ARHGAP6: variants seen among roughly 807,000 people sequenced by gnomAD.
ARHGAP6 encodes Rho GTPase activating protein 6.
In ARHGAP6, 16 loss-of-function variants were observed where a neutral mutation model predicts 55.7. The observed-to-expected ratio is 0.29, with a 90% CI of 0.19 to 0.44. The LOEUF is 0.44. ARHGAP6 is among the 20% of genes least tolerant of loss of function. ARHGAP6 has a pLI of 1.00. For synonymous variants in ARHGAP6, 382 were observed against 360.9 expected (o/e 1.06, Z -0.66); for missense variants, 698 against 808.9 (o/e 0.86, Z 1.66).
intron 1 of ARHGAP6, among the ~76,000 whole-genome samples, chrX:11,636,033 CCTT>C (rs1425823245): frequency 1.2e-4 from 13 of 111,837 alleles, no homozygotes; most frequent in African/African-American, 4.2e-4. Flanking sequence ...CTCTAAAGAG[CCTT>C]CTTAGAGAAA....
chrX:11,505,599 T>C (rs1223862662), intron 1 of ARHGAP6, among the ~76,000 whole-genome samples: 1 of 111,008 alleles, frequency 9.0e-6, no homozygotes, highest in African/African-American at 3.3e-5. Context: ...CCCATGCACG[T>C]GAATGTTCAC....
chrX:11,638,566 G>A (rs1350348295), intron 1 of ARHGAP6, among the ~76,000 whole-genome samples: 1 of 111,097 alleles, frequency 9.0e-6, no homozygotes, highest in Non-Finnish European at 1.9e-5. Context: ...ATTCTTCCCA[G>A]TATGTGTCCT....
At chrX:11,588,222 C>T (rs1396721611) in intron 1 of ARHGAP6, among the ~76,000 whole-genome samples, 2 of 111,658 alleles carry the variant, frequency 1.8e-5, no homozygotes, top group African/African-American at 3.3e-5. Flanking sequence ...AAAAGTAATA[C>T]AGGTTTATCT....
At chrX:11,326,490 AC>A (rs1431864296) in intron 1 of ARHGAP6, among the ~76,000 whole-genome samples, 8 of 109,973 alleles carry the variant, frequency 7.3e-5, no homozygotes, top group Non-Finnish European at 1.1e-4. Flanking sequence ...TATTGTTGGC[AC>A]CTCACAAAGC....
At chrX:11,537,512 A>G (rs1348609293) in intron 1 of ARHGAP6, among the ~76,000 whole-genome samples, 2 of 112,326 alleles carry the variant, frequency 1.8e-5, no homozygotes, top group African/African-American at 6.5e-5. Context: ...ACAGAATCCA[A>G]GGGTTTTTCG....
At chrX:11,277,614 T>A (rs2047792524) in intron 1 of ARHGAP6, among the ~76,000 whole-genome samples, 1 of 111,149 alleles carries the variant, frequency 9.0e-6, no homozygotes, top group South Asian at 3.8e-4. Flanking sequence ...CAAGCTGTGA[T>A]AAGGAACACA....
chrX:11,417,245 C>T (rs773651223), intron 1 of ARHGAP6, among the ~76,000 whole-genome samples: 1 of 105,582 alleles, frequency 9.5e-6, no homozygotes, highest in Non-Finnish European at 1.9e-5. Flanking sequence ...GGAATGTTTC[C>T]ACCGTGCAGC....
At chrX:11,645,332 T>C (rs2052515938) in intron 1 of ARHGAP6, among the ~76,000 whole-genome samples, 1 of 111,198 alleles carries the variant, frequency 9.0e-6, no homozygotes, top group South Asian at 3.8e-4. Flanking sequence ...TTTTTTTTGC[T>C]ATCCCTTATA....
chrX:11,148,914 G>T, intron 10 of ARHGAP6: 1 of 216,084 alleles, frequency 4.6e-6, no homozygotes. Context: ...TTATATCAAT[G>T]GTACTGGGAA....
At chrX:11,417,680 C>T (rs1437878701) in intron 1 of ARHGAP6, among the ~76,000 whole-genome samples, 2 of 111,363 alleles carry the variant, frequency 1.8e-5, no homozygotes, top group East Asian at 5.7e-4. Context: ...AAATGAAAGG[C>T]TTTAAAAAGT....
At chrX:11,658,245 C>T (rs1261317664) in intron 1 of ARHGAP6, among the ~76,000 whole-genome samples, 1 of 111,603 alleles carries the variant, frequency 9.0e-6, no homozygotes, top group Non-Finnish European at 1.9e-5. Context: ...ACCCTCAAAT[C>T]TCAAAATGTT....
intron 1 of ARHGAP6, among the ~76,000 whole-genome samples, chrX:11,599,386 T>A (rs1446371525): frequency 8.9e-6 from 1 of 112,162 alleles, no homozygotes; most frequent in Non-Finnish European, 1.9e-5. Context: ...AGTGCATGTA[T>A]ACATAATATA....
At chrX:11,207,696 T>A in intron 2 of ARHGAP6, among the ~76,000 whole-genome samples, 1 of 112,286 alleles carries the variant, frequency 8.9e-6, no homozygotes, top group East Asian at 2.8e-4. Context: ...TGGCTCCTCA[T>A]CTTTGAGGTT....
intron 1 of ARHGAP6, among the ~76,000 whole-genome samples, chrX:11,343,151 T>G (rs762226551): frequency 1.8e-5 from 2 of 112,878 alleles, no homozygotes; most frequent in Non-Finnish European, 3.7e-5. Flanking sequence ...TCAAGTCATT[T>G]TCACTTAAGC....
chrX:11,184,377 G>A (rs960206025), intron 5 of ARHGAP6, among the ~76,000 whole-genome samples: 6 of 112,119 alleles, frequency 5.4e-5, no homozygotes, highest in African/African-American at 1.9e-4. Context: ...CGTGAGCCAC[G>A]GTGCCCAGCC....
At chrX:11,258,408 T>G (rs2047518173) in intron 1 of ARHGAP6, among the ~76,000 whole-genome samples, 1 of 109,930 alleles carries the variant, frequency 9.1e-6, no homozygotes, top group Non-Finnish European at 1.9e-5. Flanking sequence ...AGATGGGGAA[T>G]GGCAGAGGGA....
chrX:11,572,949 G>A (rs1462648613), intron 1 of ARHGAP6, among the ~76,000 whole-genome samples: 14 of 112,207 alleles, frequency 1.2e-4, no homozygotes, highest in East Asian at 2.8e-4. Context: ...GTGATGATAC[G>A]CATTTTTTCA....
chrX:11,303,595 T>C (rs1381136182), intron 1 of ARHGAP6, among the ~76,000 whole-genome samples: 1 of 112,238 alleles, frequency 8.9e-6, no homozygotes, highest in East Asian at 2.8e-4. Flanking sequence ...CTATTAATTT[T>C]AAAAATGAAC....
At chrX:11,351,400 T>A in intron 1 of ARHGAP6, 1 of 969,271 alleles carries the variant, frequency 1.0e-6, no homozygotes, top group Non-Finnish European at 1.3e-6. Context: ...ATCCTGTACA[T>A]GAGAACAGTC....
Sources: gnomAD v4.1 joint callset for allele counts (sites outside exome capture counted in the v4.1 genomes callset) on GRCh38, gnomAD v4.1.1 for gene constraint, MANE v1.5 for transcripts, NCBI Gene and HGNC (gene_info 2026-07-23, HGNC 2026-07-21) for gene names.